CEP135: variants seen among roughly 807,000 people sequenced by gnomAD.
CEP135 encodes the protein centrosomal protein 135, also known as centrosomal protein of 135 kDa.
Under a neutral mutation model 157.3 loss-of-function variants are expected in CEP135, and 142 were observed. The observed-to-expected ratio is 0.90, with a 90% CI of 0.79 to 1.04. The LOEUF (loss-of-function observed/expected upper bound fraction) is 1.04, where lower values mean the gene tolerates loss of function less well. Among genes scored for constraint, CEP135 ranks in the 50% least tolerant of loss-of-function variants. CEP135 has a pLI of 0.00. For synonymous variants in CEP135, 396 were observed against 439.8 expected (o/e 0.90, Z 1.25); for missense variants, 1,317 against 1,309.2 (o/e 1.01, Z -0.09).
intron 15 of CEP135, among the ~76,000 whole-genome samples, chr4:55,993,086 A>G (rs989805799): frequency 1.3e-5 from 2 of 152,232 alleles, no homozygotes; most frequent in Non-Finnish European, 2.9e-5. Context: ...TAGTAATGAC[A>G]CTTTAAAAAA....
At chr4:55,953,412 TC>T in intron 3 of CEP135, 137 bp downstream of exon 3, 1 of 577,346 alleles carries the variant, frequency 1.7e-6, no homozygotes, top group Non-Finnish European at 2.7e-6. Context: ...GTGCCTATAG[TC>T]CCAGCTACTC....
chr4:55,997,053 C>T (rs1000117225), intron 15 of CEP135, among the ~76,000 whole-genome samples: 9 of 152,134 alleles, frequency 5.9e-5, no homozygotes, highest in South Asian at 2.1e-4. Flanking sequence ...CCCTTTGCTA[C>T]GTTTATAGCA....
chr4:56,018,969 A>T (rs563573433), intron 22 of CEP135, among the ~76,000 whole-genome samples: 1 of 152,228 alleles, frequency 6.6e-6, no homozygotes, highest in East Asian at 1.9e-4. Flanking sequence ...CTCATCTAGT[A>T]GTATCTTTAT....
At chr4:56,017,601 T>G (rs778665801) in intron 21 of CEP135, 47 bp from the exon 22 acceptor site, 2 of 1,469,940 alleles carry the variant, frequency 1.4e-6, no homozygotes, top group South Asian at 2.7e-5. Flanking sequence ...GTTCTTAAAA[T>G]TATTGGGTTA....
intron 14 of CEP135, among the ~76,000 whole-genome samples, chr4:55,989,189 A>G (rs1030112686): frequency 2.6e-5 from 4 of 152,186 alleles, no homozygotes; most frequent in Non-Finnish European, 5.9e-5. Flanking sequence ...AAATCAGTTA[A>G]AGGTTACTTA....
chr4:55,956,587 A>G (rs1728512079), intron 4 of CEP135, among the ~76,000 whole-genome samples: 1 of 151,654 alleles, frequency 6.6e-6, no homozygotes, highest in South Asian at 2.1e-4. Context: ...TCTTGAGCTC[A>G]TAATAGTGAA....
chr4:55,953,767 A>G (rs762589251), intron 3 of CEP135, among the ~76,000 whole-genome samples: 8 of 152,230 alleles, frequency 5.3e-5, no homozygotes, highest in Non-Finnish European at 8.8e-5. Context: ...AAAAGTAGTA[A>G]ATAAGGTGAA....
At chr4:55,981,105 G>T (rs544939782) in intron 12 of CEP135, 122 bp from the exon 13 acceptor site, 2 of 831,450 alleles carry the variant, frequency 2.4e-6, no homozygotes, top group South Asian at 2.1e-5. Context: ...TGGGATTTGC[G>T]AAGAGAGTGA....
chr4:56,011,732 T>C, intron 20 of CEP135, 68 bp from the exon 21 acceptor site: 1 of 1,312,046 alleles, frequency 7.6e-7, no homozygotes, highest in Middle Eastern at 1.9e-4. Context: ...GTGTATGTGT[T>C]TATGACATAG....
intron 14 of CEP135, among the ~76,000 whole-genome samples, chr4:55,989,435 A>G (rs1040080120): frequency 6.6e-6 from 1 of 152,228 alleles, no homozygotes; most frequent in Non-Finnish European, 1.5e-5. Context: ...CTTGCCTAAG[A>G]TCACACAGCT....
In CEP135 at chr4:56,032,524, C is replaced by T. The variant is rs186524552; in HGVS notation, c.*1176C>T. 1.5e-4 allele frequency: 23 copies of T among 151,818 alleles called. No homozygotes were observed. The highest frequency in any genetic ancestry group is 5.6e-4 in the African/African-American group (23 of 41,314). The allele number at this position is 151,818 out of a possible 1,614,324, so 9.4% of individuals were successfully genotyped here. On this transcript the variant is annotated 3_prime_UTR_variant, in exon 26 of 26. Transcript: ENST00000257287. ...AATTCCAATATACATTCAGTGATAC[C>T]ACTCTTTTTCTTCTAAGCCTGTGTG...
chr4:55,959,564 G>A (rs1199374919), intron 5 of CEP135, 118 bp from the exon 6 acceptor site: 8 of 816,752 alleles, frequency 9.8e-6, no homozygotes, highest in African/African-American at 1.7e-5. Flanking sequence ...GGCACAGTAC[G>A]TCCTACCTGT....
intron 13 of CEP135, among the ~76,000 whole-genome samples, chr4:55,984,313 G>T (rs1158954348): frequency 6.6e-6 from 1 of 152,082 alleles, no homozygotes; most frequent in South Asian, 2.1e-4. Flanking sequence ...CACTCTTCTT[G>T]TCTAGCTGAT....
chr4:56,024,916 T>A (rs1252949335), intron 25 of CEP135, among the ~76,000 whole-genome samples: 2 of 151,470 alleles, frequency 1.3e-5, no homozygotes, highest in Admixed American at 6.6e-5. Flanking sequence ...GGCTGGAGGA[T>A]CACCTAAGGC....
intron 14 of CEP135, among the ~76,000 whole-genome samples, chr4:55,989,856 A>C (rs1312182907): frequency 6.6e-6 from 1 of 152,186 alleles, no homozygotes; most frequent in Admixed American, 6.5e-5. Context: ...GTTCCAAAAA[A>C]ATTGGTGTTA....
chr4:55,963,044 T>C (rs1728733069), intron 6 of CEP135, among the ~76,000 whole-genome samples: 1 of 152,188 alleles, frequency 6.6e-6, no homozygotes, highest in African/African-American at 2.4e-5. Context: ...CTACTTTGGT[T>C]GGTAGCATCA....
At position 55,980,212 on chromosome 4, in the gene CEP135, T is replaced by A; in HGVS notation, c.1543T>A (p.Phe515Ile). The A allele has an allele frequency of 3.1e-6, 5 of 1,603,276 alleles. No homozygotes were observed. The highest frequency in any genetic ancestry group is 4.3e-6 in the Non-Finnish European group (5 of 1,170,952). ...RDELQRMLERFEKYMEDIQSN... is the reference protein window; with the variant it reads ...RDELQRMLERIEKYMEDIQSN... ...TGAACTTCAGCGTATGCTAGAAAGATTTGAAAAATATATGGAAGATATACA... is the reference window on the plus strand; with the variant it reads ...TGAACTTCAGCGTATGCTAGAAAGAATTGAAAAATATATGGAAGATATACA... The change falls in exon 12 of 26, where the codon TTT becomes ATT. Residue 515 changes from phenylalanine (F) to isoleucine (I), a missense_variant. Physicochemically the swap from Phe to Ile is conservative, Grantham distance 21. Coordinates refer to ENST00000257287, the MANE Select transcript of CEP135 (RefSeq NM_025009.5).
chr4:55,953,116 C>A lies in CEP135; in HGVS notation c.145C>A (p.Gln49Lys), dbSNP rs369524947. The stretch of plus-strand genomic sequence containing the variant: ...AGTTCATACAACTGAGAGCCTTCGG[C>A]AATCAAAATTATCTGCTGTGAAAGC... ...DLVHTTESLR[Q>K]SKLSAVKAEK... The change falls in exon 3 of 26, where the codon CAA becomes AAA. Residue 49 changes from glutamine to lysine, a missense_variant. By Grantham distance (53) the Gln-to-Lys change is moderately conservative. Coordinates refer to ENST00000257287, the MANE Select transcript of CEP135 (RefSeq NM_025009.5). The A allele has an allele frequency of 1.4e-5, 23 of 1,596,484 alleles. No individual in the cohort carries two copies. The highest frequency in any genetic ancestry group is 1.8e-5 in the Admixed American group (1 of 55,364).
rs142871552 is a variant in CEP135, at chr4:55,992,169, T to G, written c.2009+84T>G. On this transcript the variant is annotated intron_variant, in intron 15 of 25. Transcript: ENST00000257287. ...AGTTTATAATCATGGCATTTTGGAC[T>G]GGGCCTTTGTGCAGTAGTTTTAGAA... 3.2e-3 allele frequency: 4,193 copies of G among 1,326,026 alleles called. 229 individuals are homozygous for G. In the Admixed American group the frequency reaches 0.1, roughly 32 times the overall value. The allele number at this position is 1,326,026 out of a possible 1,614,324, so 82.1% of individuals were successfully genotyped here. A position where few individuals can be genotyped will look rare whatever the true frequency, so the allele number is the denominator to read the frequency against.
Sources: allele counts gnomAD v4.1 joint callset (sites outside exome capture counted in the v4.1 genomes callset), GRCh38; gene constraint gnomAD v4.1.1; transcripts MANE v1.5; gene names NCBI Gene and HGNC (gene_info 2026-07-23, HGNC 2026-07-21).